The following MED1 variants were observed in gnomAD, a reference collection of about 807,000 sequenced individuals.
The protein encoded by MED1 is mediator complex subunit 1, also known as mediator of RNA polymerase II transcription subunit 1.
MED1 carries 17 observed loss-of-function variants against 121.3 expected under a neutral mutation model. That is an observed-to-expected ratio of 0.14 (90% confidence interval 0.10 to 0.21). The LOEUF (loss-of-function observed/expected upper bound fraction) is 0.21, where lower values mean the gene tolerates loss of function less well. Ranked by LOEUF, MED1 falls within the 10% of genes least tolerant of loss-of-function variation. The pLI is 1.00. For missense variants in MED1, 1,558 were observed against 1,919.4 expected (o/e 0.81, Z 3.52); for synonymous variants, 661 against 694.4 (o/e 0.95, Z 0.76).
At chr17:39,424,822 C>T in intron 10 of MED1, 84 bp from the exon 11 acceptor site, 2 of 765,762 alleles carry the variant, frequency 2.6e-6, no homozygotes, top group East Asian at 2.6e-5. Context: ...TTAATTTTTG[C>T]AATATTTGTC....
intron 16 of MED1, among the ~76,000 whole-genome samples, chr17:39,413,523 A>G (rs1197724211): frequency 6.6e-6 from 1 of 152,026 alleles, no homozygotes; most frequent in Non-Finnish European, 1.5e-5. Flanking sequence ...TGGCCTCCCA[A>G]AGTGCTGGAT....
intron 3 of MED1, among the ~76,000 whole-genome samples, chr17:39,442,905 C>CAAA (rs751236293): frequency 2.2e-3 from 38 of 17,308 alleles, no homozygotes; most frequent in Non-Finnish European, 3.5e-3. Context: ...AACTCCATCT[C>CAAA]AAAAAAAAAA....
chr17:39,448,048 A>G, intron 1 of MED1, 144 bp from the exon 2 acceptor site: 1 of 590,228 alleles, frequency 1.7e-6, no homozygotes, highest in Non-Finnish European at 3.0e-6. Context: ...CAAAACATCC[A>G]AAGAAGACAT....
chr17:39,441,311 C>T (rs775386619), intron 3 of MED1, among the ~76,000 whole-genome samples: 1 of 151,892 alleles, frequency 6.6e-6, no homozygotes, highest in South Asian at 2.1e-4. Flanking sequence ...TGGGGGAAGG[C>T]GGGAATGGGA....
chr17:39,450,949 G>A, intron 1 of MED1, 89 bp downstream of exon 1: 1 of 1,161,066 alleles, frequency 8.6e-7, no homozygotes, highest in Non-Finnish European at 1.3e-6. Context: ...CCCTAAAGTG[G>A]CCCCCATGGG....
rs2048778679 is a variant in MED1 at position 39,451,138 on chromosome 17, G to T, written c.-76C>A. 4 of 1,561,630 alleles carry T rather than the reference G, an allele frequency of 2.6e-6. No individual in the cohort carries two copies. The highest frequency in any genetic ancestry group is 2.3e-5 in the East Asian group (1 of 42,798). ...CACCACTAACGGAGGAAACAAGTTGGCTCGGGATCCCGGGACGCAGGGCAC... is the reference window on the plus strand; with the variant it reads ...CACCACTAACGGAGGAAACAAGTTGTCTCGGGATCCCGGGACGCAGGGCAC... On this transcript the variant is annotated 5_prime_UTR_variant, in exon 1 of 17. Coordinates refer to ENST00000300651, the MANE Select transcript of MED1 (RefSeq NM_004774.4).
intron 16 of MED1, among the ~76,000 whole-genome samples, chr17:39,414,755 C>T (rs2048392161): frequency 6.7e-6 from 1 of 148,550 alleles, no homozygotes; most frequent in Non-Finnish European, 1.5e-5. Context: ...CTGCAACCTC[C>T]ACCTCCCAGG....
chr17:39,420,411 C>T (rs2048451248), intron 13 of MED1, among the ~76,000 whole-genome samples: 1 of 151,884 alleles, frequency 6.6e-6, no homozygotes, highest in South Asian at 2.1e-4. Flanking sequence ...CTGTGTTAGC[C>T]AGGATTGTCT....
Position 39,405,649 on chromosome 17 carries a change from A to G in MED1, c.*1826T>C. 3 of 1,047,058 alleles carry G rather than the reference A, an allele frequency of 2.9e-6. No homozygotes were observed. Among genetic ancestry groups the G allele is most frequent in the Non-Finnish European group, 3.4e-6 (3 of 869,780 alleles). 64.9% of individuals were successfully genotyped at this position (1,047,058 alleles called of 1,614,324 possible). On this transcript the variant is annotated 3_prime_UTR_variant, in exon 17 of 17. Coordinates refer to ENST00000300651, the MANE Select transcript of MED1 (RefSeq NM_004774.4). Reference sequence around the variant, plus strand: ...AAGACATTTGACTCTGATGTGGTTAATTGATAACTTTTCTTGCTCCACTTT... The same window carrying G: ...AAGACATTTGACTCTGATGTGGTTAGTTGATAACTTTTCTTGCTCCACTTT...
rs1174239059 is a variant in MED1 at position 39,426,228 on chromosome 17, C to T, written c.739+1473G>A. ...TTCGGAGGCCAAGACAGGTGGATCACTTCAGGTAAGGAGTTCAAGACCAGC... is the reference window on the plus strand; with the variant it reads ...TTCGGAGGCCAAGACAGGTGGATCATTTCAGGTAAGGAGTTCAAGACCAGC... On this transcript the variant is annotated intron_variant, in intron 10 of 16. Coordinates refer to ENST00000300651, the MANE Select transcript of MED1 (RefSeq NM_004774.4). Among the ~76,000 whole-genome samples, 5 of 152,236 alleles carry T rather than the reference C, an allele frequency of 3.3e-5. No individual in the cohort carries two copies. The South Asian group carries it at 8.3e-4, about 25-fold the overall frequency.
Position 39,440,716 on chromosome 17 carries a change from C to T in MED1, c.212-39G>A. 1 of 1,538,386 alleles carries T rather than the reference C, an allele frequency of 6.5e-7. No homozygotes were observed. ...AAAAAAGGAGTCACAAAGAATGCTC[C>T]AAATGACTTAAATGATATTCTTTTA... On this transcript the variant is annotated intron_variant, in intron 3 of 16. Coordinates refer to ENST00000300651, the MANE Select transcript of MED1 (RefSeq NM_004774.4). This position sits in a 1 kb window ranked among gnomAD's most constrained non-coding sequence, Gnocchi z 4.1.
At chr17:39,429,703 A>T (rs1427278722) in intron 9 of MED1, among the ~76,000 whole-genome samples, 1 of 22,470 alleles carries the variant, frequency 4.5e-5, no homozygotes, top group Non-Finnish European at 1.5e-4. Context: ...CTAAATGCCT[A>T]AAAAAAAAAA....
chr17:39,439,728 A>G (rs2048653546), intron 5 of MED1, among the ~76,000 whole-genome samples: 1 of 152,120 alleles, frequency 6.6e-6, no homozygotes, highest in African/African-American at 2.4e-5. Flanking sequence ...ACTTGAGGTC[A>G]GGAGCTGGAG....
At chr17:39,448,180 A>C (rs1295728390) in intron 1 of MED1, among the ~76,000 whole-genome samples, 1 of 148,178 alleles carries the variant, frequency 6.7e-6, no homozygotes, top group Non-Finnish European at 1.5e-5. Flanking sequence ...CTTGATGACC[A>C]GGCTGGAGTG....
chr17:39,428,619 GC>G (rs765143952), intron 9 of MED1, among the ~76,000 whole-genome samples: 1 of 152,066 alleles, frequency 6.6e-6, no homozygotes, highest in Non-Finnish European at 1.5e-5. Flanking sequence ...GGAAGGCAGA[GC>G]AAGACCCCGT....
intron 13 of MED1, among the ~76,000 whole-genome samples, chr17:39,422,607 C>T (rs915892582): frequency 1.3e-5 from 2 of 150,366 alleles, no homozygotes; most frequent in Admixed American, 6.7e-5. Flanking sequence ...TCCCAAGTAG[C>T]TGGGATTACA....
intron 6 of MED1, among the ~76,000 whole-genome samples, chr17:39,438,893 G>A (rs2048645517): frequency 6.6e-6 from 1 of 152,170 alleles, no homozygotes; most frequent in African/African-American, 2.4e-5. Context: ...AGGTTGCAGT[G>A]AGCTGAGATC....
intron 6 of MED1, among the ~76,000 whole-genome samples, chr17:39,434,927 A>G (rs2144757100): frequency 6.6e-6 from 1 of 152,270 alleles, no homozygotes; most frequent in South Asian, 2.1e-4. Context: ...GCACTTTGGG[A>G]GGCCAAGGTG....
chr17:39,418,988 A>G (rs2048436069), intron 14 of MED1, among the ~76,000 whole-genome samples: 1 of 152,022 alleles, frequency 6.6e-6, no homozygotes, highest in Admixed American at 6.6e-5. Flanking sequence ...GGGTTTCACT[A>G]GTTGGCCAGG....
Sources: allele counts gnomAD v4.1 joint callset (sites outside exome capture counted in the v4.1 genomes callset), GRCh38; gene constraint gnomAD v4.1.1; non-coding constraint Gnocchi (gnomAD v3.1); transcripts MANE v1.5; gene names NCBI Gene and HGNC (gene_info 2026-07-23, HGNC 2026-07-21).